The following ADGRB3 variants were observed in gnomAD, a reference collection of about 807,000 sequenced individuals.
ADGRB3 encodes the protein brain-specific angiogenesis inhibitor 3.
ADGRB3 carries 37 observed loss-of-function variants against 193.4 expected under a neutral mutation model. That is an observed-to-expected ratio of 0.19 (90% confidence interval 0.15 to 0.25). The LOEUF (loss-of-function observed/expected upper bound fraction) is 0.25, where lower values mean the gene tolerates loss of function less well. Among genes scored for constraint, ADGRB3 ranks in the 10% least tolerant of loss-of-function variants. The pLI is 1.00. For missense variants in ADGRB3, 1,637 were observed against 1,852.9 expected (o/e 0.88, Z 2.14); for synonymous variants, 690 against 644.2 (o/e 1.07, Z -1.08).
intron 17 of ADGRB3, among the ~76,000 whole-genome samples, chr6:69,081,628 G>T (rs1300026725): frequency 6.6e-6 from 1 of 151,616 alleles, no homozygotes; most frequent in Non-Finnish European, 1.5e-5. Flanking sequence ...TTCTCATAAA[G>T]CCATTATAAT....
chr6:69,275,222 G>A (rs1251044110), intron 20 of ADGRB3, among the ~76,000 whole-genome samples: 2 of 151,984 alleles, frequency 1.3e-5, no homozygotes, highest in Admixed American at 6.6e-5. Context: ...ACAATGAATA[G>A]GTTCAATTAC....
chr6:69,370,910 A>G (rs554219483), intron 29 of ADGRB3, among the ~76,000 whole-genome samples: 3 of 152,226 alleles, frequency 2.0e-5, no homozygotes, highest in Middle Eastern at 3.4e-3. Context: ...GTGGTGCAGT[A>G]CACTGGAGCC....
chr6:68,804,434 CA>C (rs1440256222), intron 3 of ADGRB3, among the ~76,000 whole-genome samples: 1 of 152,178 alleles, frequency 6.6e-6, no homozygotes, highest in Non-Finnish European at 1.5e-5. Flanking sequence ...TTCAGTAGTA[CA>C]TGCAATGCAT....
At chr6:69,141,431 G>C (rs1039367179) in intron 17 of ADGRB3, among the ~76,000 whole-genome samples, 1 of 152,118 alleles carries the variant, frequency 6.6e-6, no homozygotes, top group African/African-American at 2.4e-5. Context: ...CCGGGGCAGG[G>C]ATATTTCATA....
intron 3 of ADGRB3, among the ~76,000 whole-genome samples, chr6:68,690,694 A>G (rs1003728716): frequency 3.9e-5 from 6 of 152,070 alleles, no homozygotes; most frequent in African/African-American, 1.4e-4. Flanking sequence ...TCATCTGTAA[A>G]ACCTCAGCCA....
intron 20 of ADGRB3, among the ~76,000 whole-genome samples, chr6:69,279,107 A>AG (rs1767369307): frequency 7.3e-6 from 1 of 136,744 alleles, no homozygotes; most frequent in Admixed American, 7.3e-5. Context: ...ATATATATAT[A>AG]TATATATATA....
chr6:68,997,578 G>A (rs1030075771), intron 11 of ADGRB3, among the ~76,000 whole-genome samples: 11 of 150,524 alleles, frequency 7.3e-5, no homozygotes, highest in African/African-American at 2.0e-4. Context: ...TCTTGAACCC[G>A]GGAATCGGAG....
chr6:69,091,431 C>A (rs886949155), intron 17 of ADGRB3, among the ~76,000 whole-genome samples: 17 of 152,116 alleles, frequency 1.1e-4, no homozygotes, highest in African/African-American at 3.9e-4. Context: ...AAATGTGGTA[C>A]ATATACACCA....
intron 17 of ADGRB3, among the ~76,000 whole-genome samples, chr6:69,212,160 C>G (rs1039548841): frequency 6.6e-6 from 1 of 152,124 alleles, no homozygotes; most frequent in African/African-American, 2.4e-5. Context: ...TTGAACAGTA[C>G]AGCATTCGAA....
intron 3 of ADGRB3, among the ~76,000 whole-genome samples, chr6:68,857,876 A>G (rs1765032086): frequency 6.6e-6 from 1 of 152,130 alleles, no homozygotes; most frequent in Non-Finnish European, 1.5e-5. Flanking sequence ...ACCCAGTGGG[A>G]GATGATTGAA....
At chr6:69,002,646 T>A (rs1582385521) in intron 11 of ADGRB3, among the ~76,000 whole-genome samples, 1 of 152,338 alleles carries the variant, frequency 6.6e-6, no homozygotes, top group East Asian at 1.9e-4. Flanking sequence ...TTGGTTTTAA[T>A]GCCAGACACT....
At position 69,339,246 on chromosome 6, in the gene ADGRB3, T is replaced by C; in HGVS notation, c.3288-87T>C. 7.4e-6 allele frequency: 11 copies of C among 1,482,860 alleles called. No homozygotes were observed. In the South Asian group the frequency reaches 1.5e-4, roughly 20 times the overall value. 91.9% of individuals were successfully genotyped at this position (1,482,860 alleles called of 1,614,324 possible). On this transcript the variant is annotated intron_variant, in intron 25 of 31. Coordinates refer to ENST00000370598, the MANE Select transcript of ADGRB3 (RefSeq NM_001704.3). ...CCAAGTTAATGGTCTTGGAACCACATACAAAAATGCTTTGTTGAATGGGGG... is the reference window on the plus strand; with the variant it reads ...CCAAGTTAATGGTCTTGGAACCACACACAAAAATGCTTTGTTGAATGGGGG...
chr6:68,940,695 C>T (rs1767617849), intron 5 of ADGRB3, among the ~76,000 whole-genome samples: 2 of 151,668 alleles, frequency 1.3e-5, no homozygotes, highest in Non-Finnish European at 2.9e-5. Context: ...AAGTAGAGAC[C>T]AGCCTGGCTA....
intron 16 of ADGRB3, among the ~76,000 whole-genome samples, chr6:69,072,855 T>C (rs930879961): frequency 6.6e-6 from 1 of 152,204 alleles, no homozygotes; most frequent in African/African-American, 2.4e-5. Flanking sequence ...TGCTGAGGAT[T>C]TATCAGAAAG....
intron 20 of ADGRB3, among the ~76,000 whole-genome samples, chr6:69,274,957 T>C (rs1485234642): frequency 6.6e-6 from 1 of 152,174 alleles, no homozygotes; most frequent in African/African-American, 2.4e-5. Flanking sequence ...GGATTTTTCA[T>C]TTGGTGGATT....
chr6:69,225,096 T>C (rs1270850496), intron 17 of ADGRB3, among the ~76,000 whole-genome samples: 1 of 152,168 alleles, frequency 6.6e-6, no homozygotes, highest in Non-Finnish European at 1.5e-5. Flanking sequence ...AGTAAAAGCA[T>C]ACTTGACAAA....
chr6:68,853,445 T>C (rs1768445750), intron 3 of ADGRB3, among the ~76,000 whole-genome samples: 1 of 152,072 alleles, frequency 6.6e-6, no homozygotes, highest in African/African-American at 2.4e-5. Flanking sequence ...TAGTGATTCT[T>C]AGCTGTCTAG....
chr6:69,346,392 A>G (rs1769089490), intron 26 of ADGRB3, among the ~76,000 whole-genome samples: 1 of 152,216 alleles, frequency 6.6e-6, no homozygotes, highest in South Asian at 2.1e-4. Context: ...AAACAGATAT[A>G]TAGACTAATG....
intron 3 of ADGRB3, among the ~76,000 whole-genome samples, chr6:68,873,707 A>G (rs754685224): frequency 3.9e-5 from 6 of 152,164 alleles, no homozygotes; most frequent in Non-Finnish European, 5.9e-5. Flanking sequence ...CGATATCATT[A>G]CAAGATGATC....
Sources: allele counts gnomAD v4.1 joint callset (sites outside exome capture counted in the v4.1 genomes callset), GRCh38; gene constraint gnomAD v4.1.1; transcripts MANE v1.5; gene names NCBI Gene and HGNC (gene_info 2026-07-23, HGNC 2026-07-21).